The following CREBBP variants were observed in gnomAD, a reference collection of about 807,000 sequenced individuals.
CREBBP encodes the protein CREB-binding protein.
CREBBP carries 19 observed loss-of-function variants against 265.0 expected under a neutral mutation model. The observed-to-expected ratio is 0.07, with a 90% CI of 0.05 to 0.11. The LOEUF (loss-of-function observed/expected upper bound fraction) is 0.11, where lower values mean the gene tolerates loss of function less well. Among genes scored for constraint, CREBBP ranks in the 10% least tolerant of loss-of-function variants. The pLI, the probability that CREBBP is intolerant of heterozygous loss-of-function variation, is 1.00. For missense variants in CREBBP, 2,525 were observed against 3,219.0 expected, an observed-to-expected ratio of 0.78 and a Z score of 5.22; for synonymous variants, 1,457 against 1,223.7, an observed-to-expected ratio of 1.19 and a Z score of -3.98.
intron 12 of CREBBP, 52 bp from the exon 13 acceptor site, chr16:3,773,982 A>AGTCCC (rs1270983995): frequency 1.3e-6 from 2 of 1,596,804 alleles, no homozygotes; most frequent in Non-Finnish European, 1.7e-6. Flanking sequence ...TGACGGCCAG[A>AGTCCC]GTTTTCAAGG....
intron 21 of CREBBP, 78 bp from the exon 22 acceptor site, chr16:3,745,432 G>A (rs962829407): frequency 1.1e-5 from 14 of 1,281,562 alleles, no homozygotes; most frequent in African/African-American, 3.0e-5. Flanking sequence ...CTGTGTGTGC[G>A]TCCACACCTT....
chr16:3,863,446 T>C (rs1043705554), intron 1 of CREBBP, among the ~76,000 whole-genome samples: 1 of 151,894 alleles, frequency 6.6e-6, no homozygotes, highest in Middle Eastern at 3.2e-3. Context: ...CTACTAAAAA[T>C]ACAAAAATTA....
In CREBBP at chr16:3,863,748, C is replaced by T. The variant is rs141607261; in HGVS notation, c.86-12739G>A. Reference sequence around the variant, plus strand: ...ACAGGGAAGTGCCATTCCCAGACAGCCAAGACAACGTTAGTTTCCTCAACA... The same window carrying T: ...ACAGGGAAGTGCCATTCCCAGACAGTCAAGACAACGTTAGTTTCCTCAACA... On this transcript the variant is annotated intron_variant, in intron 1 of 30. Transcript: ENST00000262367. Among the ~76,000 whole-genome samples the T allele has an allele frequency of 1.4e-4, 21 of 152,276 alleles. 1 individual carries two copies. Among genetic ancestry groups the T allele is most frequent in the African/African-American group, 4.3e-4 (18 of 41,560 alleles).
intron 2 of CREBBP, among the ~76,000 whole-genome samples, chr16:3,821,003 G>A (rs1039906061): frequency 1.3e-5 from 2 of 152,202 alleles, no homozygotes; most frequent in African/African-American, 4.8e-5. Context: ...GTTCCCCAAG[G>A]TGCAGTCTGC....
At chr16:3,850,269 A>C in intron 2 of CREBBP, 28 bp downstream of exon 2, 1 of 1,611,230 alleles carries the variant, frequency 6.2e-7, no homozygotes, top group Non-Finnish European at 8.5e-7. Context: ...TTAGGTAGGA[A>C]GTATTGAAAG....
In CREBBP at chr16:3,769,334, C is replaced by T. The variant is rs752845092; in HGVS notation, c.2900G>A (p.Ser967Asn). 4 of 1,614,210 alleles carry T rather than the reference C, an allele frequency of 2.5e-6. No homozygotes were observed. Among genetic ancestry groups the T allele is most frequent in the Non-Finnish European group, 3.4e-6 (4 of 1,180,038 alleles). The change falls in exon 15 of 31, where the codon AGC (serine) becomes AAC (asparagine). Residue 967 changes from serine (S) to asparagine (N), a missense_variant. This residue lies in a region of CREBBP where 548 missense variants were observed against 533.0 expected (regional missense o/e 1.03). Coordinates refer to ENST00000262367, the MANE Select transcript of CREBBP (RefSeq NM_004380.3). ...GGGGGTAGGGACTCTGTTATCAATG[C>T]TGGCTGCTGCCTGGGAAAGCTGTGA... ...PGTPLSQAAA[S>N]IDNRVPTPSS...
intron 3 of CREBBP, among the ~76,000 whole-genome samples, chr16:3,804,506 G>C (rs1487148746): frequency 6.6e-6 from 1 of 152,198 alleles, no homozygotes; most frequent in Admixed American, 6.5e-5. Context: ...TGCAGAGACT[G>C]ATGTAGCTCA....
chr16:3,767,206 T>C (rs537248833), intron 16 of CREBBP: 1 of 163,060 alleles, frequency 6.1e-6, no homozygotes, highest in Non-Finnish European at 1.3e-5. Context: ...CTCCCCCATG[T>C]CTCACTACAC....
chr16:3,814,281 G>C (rs1447709314), intron 2 of CREBBP, among the ~76,000 whole-genome samples: 1 of 146,294 alleles, frequency 6.8e-6, no homozygotes, highest in African/African-American at 2.5e-5. Context: ...TTGAGACAGA[G>C]TCTCGTTCTG....
chr16:3,786,881 T>A (rs918164584), intron 5 of CREBBP, among the ~76,000 whole-genome samples: 3 of 152,040 alleles, frequency 2.0e-5, no homozygotes, highest in African/African-American at 7.2e-5. Flanking sequence ...AAGACCAGCC[T>A]GGACAACATG....
intron 2 of CREBBP, among the ~76,000 whole-genome samples, chr16:3,823,549 C>T (rs987885584): frequency 6.6e-6 from 1 of 152,088 alleles, no homozygotes; most frequent in Non-Finnish European, 1.5e-5. Context: ...CAAACAAGGT[C>T]GACACCTACT....
Position 3,757,871 on chromosome 16 carries a change from C to G in CREBBP, c.3547G>C (p.Glu1183Gln). ...GGGTCAATTTCCTGCTCAAAGACCT[C>G]TGCAAGCTTACTGCAAAACTTATAG... is the stretch of plus-strand genomic sequence containing the variant. ...RVYKFCSKLA[E>Q]VFEQEIDPVM... is the part of the protein sequence containing the mutation. The change falls in exon 18 of 31, where the codon GAG becomes CAG. Residue 1183 changes from glutamate to glutamine, a missense_variant. Glu to Gln is a conservative substitution (Grantham distance 29, BLOSUM62 2). Coordinates refer to ENST00000262367, the MANE Select transcript of CREBBP (RefSeq NM_004380.3). The G allele has an allele frequency of 6.2e-7, 1 of 1,614,180 alleles. No individual in the cohort carries two copies. Among genetic ancestry groups the G allele is most frequent in the Non-Finnish European group, 8.5e-7 (1 of 1,180,036 alleles).
chr16:3,770,315 G>GGGACTACA (rs2052969378), intron 14 of CREBBP, among the ~76,000 whole-genome samples: 1 of 152,076 alleles, frequency 6.6e-6, no homozygotes, highest in Admixed American at 6.5e-5. Context: ...CTGAGTGGCT[G>GGGACTACA]GGACTACAGG....
At chr16:3,845,666 G>A (rs992416955) in intron 2 of CREBBP, among the ~76,000 whole-genome samples, 4 of 151,884 alleles carry the variant, frequency 2.6e-5, no homozygotes, top group African/African-American at 7.3e-5. Context: ...TGGGTGGATC[G>A]CTTGAGCTCA....
chr16:3,811,651 C>T (rs999872143), intron 2 of CREBBP, among the ~76,000 whole-genome samples: 2 of 152,018 alleles, frequency 1.3e-5, no homozygotes, highest in African/African-American at 4.8e-5. Flanking sequence ...GCCACCAGGT[C>T]CGGCTAATTT....
At chr16:3,844,147 CAAAAAAAAAAAAA>C (rs545907683) in intron 2 of CREBBP, among the ~76,000 whole-genome samples, 11 of 19,712 alleles carry the variant, frequency 5.6e-4, no homozygotes, top group South Asian at 1.7e-3. Context: ...GACTCCGTCT[CAAAAAAAAAAAAA>C]AAAAAAAAAA....
chr16:3,872,391 C>T, intron 1 of CREBBP, among the ~76,000 whole-genome samples: 1 of 152,140 alleles, frequency 6.6e-6, no homozygotes, highest in East Asian at 1.9e-4. Flanking sequence ...GGACTCTGCT[C>T]GTGGCCTATT....
At chr16:3,865,927 C>T (rs1270756130) in intron 1 of CREBBP, among the ~76,000 whole-genome samples, 1 of 152,180 alleles carries the variant, frequency 6.6e-6, no homozygotes, top group Admixed American at 6.5e-5. Context: ...GAGCCCACCG[C>T]GCCCGGCCAA....
At chr16:3,831,678 A>G (rs761726260) in intron 2 of CREBBP, among the ~76,000 whole-genome samples, 21 of 152,208 alleles carry the variant, frequency 1.4e-4, no homozygotes, top group Non-Finnish European at 1.2e-4. Flanking sequence ...ACCAGACATT[A>G]TTATAAATTC....
Sources: gnomAD v4.1 joint callset for allele counts (sites outside exome capture counted in the v4.1 genomes callset) on GRCh38, gnomAD v4.1.1 for gene constraint, gnomAD v4.1.1 regional missense constraint, MANE v1.5 for transcripts, NCBI Gene and HGNC (gene_info 2026-07-23, HGNC 2026-07-21) for gene names.